CDK6: variants seen among roughly 807,000 people sequenced by gnomAD.
CDK6 encodes cyclin-dependent kinase 6.
A neutral mutation model predicts 37.1 loss-of-function variants in CDK6; 6 were observed. That is an observed-to-expected ratio of 0.16 (90% CI 0.09 to 0.32). The LOEUF (loss-of-function observed/expected upper bound fraction) is 0.32, where lower values mean the gene tolerates loss of function less well. CDK6 is among the 10% of genes least tolerant of loss of function. CDK6 has a pLI of 1.00. For synonymous variants in CDK6, 160 were observed against 161.3 expected (o/e 0.99, Z 0.06); for missense variants, 224 against 418.9 (o/e 0.53, Z 4.06).
At chr7:92,832,619 AC>A (rs1439759749) in intron 2 of CDK6, among the ~76,000 whole-genome samples, 2 of 152,218 alleles carry the variant, frequency 1.3e-5, no homozygotes, top group African/African-American at 4.8e-5. Context: ...CCTGATTTAC[AC>A]TTGGCTCCAC....
intron 3 of CDK6, among the ~76,000 whole-genome samples, chr7:92,773,398 T>C (rs1799767398): frequency 6.6e-6 from 1 of 152,048 alleles, no homozygotes; most frequent in Admixed American, 6.6e-5. Context: ...AAATCACAGA[T>C]CATACCAAGA....
chr7:92,626,478 T>C (rs1020876156), intron 5 of CDK6, among the ~76,000 whole-genome samples: 1 of 152,038 alleles, frequency 6.6e-6, no homozygotes, highest in African/African-American at 2.4e-5. Context: ...AGATGGGAAG[T>C]AAAGTAACAT....
chr7:92,659,332 G>A (rs977481007), intron 5 of CDK6, among the ~76,000 whole-genome samples: 1 of 152,066 alleles, frequency 6.6e-6, no homozygotes, highest in African/African-American at 2.4e-5. Context: ...TAAAAAGAAA[G>A]AATGTAAAAA....
intron 4 of CDK6, among the ~76,000 whole-genome samples, chr7:92,700,384 G>A (rs755580555): frequency 2.0e-5 from 3 of 152,214 alleles, no homozygotes; most frequent in Non-Finnish European, 2.9e-5. Context: ...GATGCTCTGG[G>A]AGGAAGATGT....
chr7:92,752,831 G>C (rs1339844238), intron 3 of CDK6, among the ~76,000 whole-genome samples: 1 of 151,926 alleles, frequency 6.6e-6, no homozygotes, highest in Non-Finnish European at 1.5e-5. Flanking sequence ...TCACTAAATT[G>C]GTATTTTCTC....
At chr7:92,799,240 T>C (rs1251931759) in intron 2 of CDK6, among the ~76,000 whole-genome samples, 2 of 152,170 alleles carry the variant, frequency 1.3e-5, no homozygotes, top group Non-Finnish European at 1.5e-5. Context: ...TTCCCCTCTT[T>C]CTCTTCCAGC....
intron 7 of CDK6, 58 bp downstream of exon 7, chr7:92,618,014 G>A (rs2116483383): frequency 6.3e-7 from 1 of 1,582,164 alleles, no homozygotes; most frequent in South Asian, 1.2e-5. Flanking sequence ...ACCCAGTCTG[G>A]GTAGAGCAGG....
intron 7 of CDK6, among the ~76,000 whole-genome samples, chr7:92,617,259 A>AT (rs2116481784): frequency 6.6e-6 from 1 of 151,958 alleles, no homozygotes; most frequent in African/African-American, 2.4e-5. Flanking sequence ...GGGGCATTGC[A>AT]TATTTCTGCT....
chr7:92,802,446 C>T (rs550892114), intron 2 of CDK6, among the ~76,000 whole-genome samples: 2 of 152,222 alleles, frequency 1.3e-5, no homozygotes, highest in South Asian at 4.2e-4. Context: ...TCTGGGTTAG[C>T]AAATGCCTCT....
At chr7:92,698,075 C>T (rs1188639097) in intron 4 of CDK6, among the ~76,000 whole-genome samples, 1 of 151,964 alleles carries the variant, frequency 6.6e-6, no homozygotes, top group African/African-American at 2.4e-5. Flanking sequence ...AAAAAAAAAA[C>T]TGCTGTGAAA....
chr7:92,809,929 G>C (rs779009348), intron 2 of CDK6, among the ~76,000 whole-genome samples: 2 of 152,192 alleles, frequency 1.3e-5, no homozygotes, highest in African/African-American at 4.8e-5. Flanking sequence ...TCTGGTGCCA[G>C]ATTCAAAGGT....
intron 3 of CDK6, among the ~76,000 whole-genome samples, chr7:92,755,245 C>A (rs549715397): frequency 6.6e-6 from 1 of 152,134 alleles, no homozygotes; most frequent in Admixed American, 6.6e-5. Flanking sequence ...TTTCCTTTCC[C>A]CGCAGCTGTC....
intron 4 of CDK6, among the ~76,000 whole-genome samples, chr7:92,705,225 C>G (rs1415737516): frequency 6.6e-6 from 1 of 152,134 alleles, no homozygotes; most frequent in Admixed American, 6.5e-5. Context: ...TTGGTTTTTG[C>G]TTCTGTGAAA....
At chr7:92,639,505 A>G (rs1400477226) in intron 5 of CDK6, among the ~76,000 whole-genome samples, 2 of 152,234 alleles carry the variant, frequency 1.3e-5, no homozygotes, top group African/African-American at 4.8e-5. Context: ...TGGTGCTTAA[A>G]GCCTTCCTGT....
chr7:92,721,725 C>A (rs997648425), intron 4 of CDK6, among the ~76,000 whole-genome samples: 1 of 152,190 alleles, frequency 6.6e-6, no homozygotes, highest in Non-Finnish European at 1.5e-5. Context: ...ATGTTGCATA[C>A]CACCTACAGC....
intron 4 of CDK6, among the ~76,000 whole-genome samples, chr7:92,716,297 T>C (rs1256134846): frequency 6.6e-6 from 1 of 152,196 alleles, no homozygotes; most frequent in Non-Finnish European, 1.5e-5. Context: ...GTGCTTATGT[T>C]ATGTGCTTAC....
At chr7:92,731,848 A>G (rs1372893667) in intron 3 of CDK6, among the ~76,000 whole-genome samples, 1 of 152,208 alleles carries the variant, frequency 6.6e-6, no homozygotes, top group Non-Finnish European at 1.5e-5. Context: ...ATGAAAGAAT[A>G]AATCATTACC....
chr7:92,681,768 A>G (rs986204491), intron 4 of CDK6, among the ~76,000 whole-genome samples: 1 of 152,134 alleles, frequency 6.6e-6, no homozygotes, highest in Non-Finnish European at 1.5e-5. Context: ...CTAAGGCGAC[A>G]TCCTCAGGCA....
chr7:92,726,003 T>C (rs1474685350), intron 3 of CDK6, among the ~76,000 whole-genome samples: 3 of 152,160 alleles, frequency 2.0e-5, no homozygotes, highest in African/African-American at 7.2e-5. Flanking sequence ...TCTCAACCTG[T>C]ATTTTATTAA....
Sources: allele counts gnomAD v4.1 joint callset (sites outside exome capture counted in the v4.1 genomes callset), GRCh38; gene constraint gnomAD v4.1.1; transcripts MANE v1.5; gene names NCBI Gene and HGNC (gene_info 2026-07-23, HGNC 2026-07-21).